The following PHOX2B variants were observed in gnomAD, a reference collection of about 807,000 sequenced individuals.
PHOX2B encodes paired like homeobox 2B.
PHOX2B carries 1 observed loss-of-function variant against 15.5 expected under a neutral mutation model. That is an observed-to-expected ratio of 0.06 (90% confidence interval 0.02 to 0.31). The LOEUF (loss-of-function observed/expected upper bound fraction) is 0.31, where lower values mean the gene tolerates loss of function less well. Ranked by LOEUF, PHOX2B falls within the 10% of genes least tolerant of loss-of-function variation. The probability of loss-of-function intolerance (pLI) is 1.00; values close to 1 mark genes in which losing one functional copy is unlikely to be tolerated. For missense variants in PHOX2B, 314 were observed against 436.4 expected, an observed-to-expected ratio of 0.72 and a Z score of 2.50; for synonymous variants, 206 against 190.5, an observed-to-expected ratio of 1.08 and a Z score of -0.67.
chr4:41,746,244 C>G lies in PHOX2B; in HGVS notation c.508G>C (p.Gly170Arg), dbSNP rs775931264. The change falls in exon 3 of 3, where the codon GGC becomes CGC. Residue 170 changes from glycine to arginine, a missense_variant. By Grantham distance (125) the Gly-to-Arg change is moderately radical (BLOSUM62 -2). Coordinates refer to ENST00000226382, the MANE Select transcript of PHOX2B (RefSeq NM_003924.4). ...AAAAAAAAKN[G>R]SSGKKSDSSR... ...GAGTCAGACTTTTTGCCCGAGGAGC[C>G]GTTCTTGGCCGCGGCCGCTGCGGCT... 2.5e-6 allele frequency: 4 copies of G among 1,613,942 alleles called. No homozygotes were observed. Among genetic ancestry groups the G allele is most frequent in the Admixed American group, 1.7e-5 (1 of 60,030 alleles).
At chr4:41,746,816 G>C (rs1407127385) in intron 2 of PHOX2B, among the ~76,000 whole-genome samples, 2 of 152,260 alleles carry the variant, frequency 1.3e-5, no homozygotes, top group African/African-American at 4.8e-5. Context: ...CTCACCCAGA[G>C]AGGCGCTGTG....
chr4:41,746,152 G>A lies in PHOX2B; in HGVS notation c.600C>T (p.Pro200=). 4 of 1,611,816 alleles carry A rather than the reference G, an allele frequency of 2.5e-6. No individual in the cohort carries two copies. Among genetic ancestry groups the A allele is most frequent in the Non-Finnish European group, 3.4e-6 (4 of 1,179,656 alleles). The change falls in exon 3 of 3, where the codon CCC becomes CCT. Residue 200 remains proline (P), a synonymous_variant. Coordinates refer to ENST00000226382, the MANE Select transcript of PHOX2B (RefSeq NM_003924.4). ...TDPDSTGGPG[P]NPNPTPSCGA... is the part of the protein sequence containing the mutation. The stretch of plus-strand genomic sequence containing the variant: ...CGCAGCTGGGGGTGGGGTTGGGATT[G>A]GGACCTGGGCCCCCAGTGCTGTCCG...
rs768046455 is a variant in PHOX2B at position 41,748,164 on chromosome 4, C to A, written c.241+206G>T. On this transcript the variant is annotated intron_variant, in intron 1 of 2. Transcript: ENST00000226382. ...TGGCAGCTTAAGATAATTTTGTTGG[C>A]GGTTCGGGTGTGACTAGGATAGTGT... 5 of 602,316 alleles carry A rather than the reference C, an allele frequency of 8.3e-6. No individual in the cohort carries two copies. In the Admixed American group the frequency reaches 9.1e-5, roughly 11 times the overall value. 37.3% of individuals were successfully genotyped at this position (602,316 alleles called of 1,614,324 possible).
intron 1 of PHOX2B, 22 bp downstream of exon 1, chr4:41,748,348 T>C (rs746765437): frequency 6.2e-7 from 1 of 1,613,338 alleles, no homozygotes; most frequent in South Asian, 1.1e-5. Flanking sequence ...CTTCCTCCGC[T>C]GAGAAAGCTG....
rs1292071149 is a variant in PHOX2B, at chr4:41,746,236, C to G, written c.516G>C (p.Ser172=). 4 of 1,613,810 alleles carry G rather than the reference C, an allele frequency of 2.5e-6. No homozygotes were observed. Among genetic ancestry groups the G allele is most frequent in the South Asian group, 2.2e-5 (2 of 91,072 alleles). The change falls in exon 3 of 3, where the codon TCG becomes TCC. Residue 172 remains serine, a synonymous_variant. Coordinates refer to ENST00000226382, the MANE Select transcript of PHOX2B (RefSeq NM_003924.4). ...CCCTGGAAGAGTCAGACTTTTTGCC[C>G]GAGGAGCCGTTCTTGGCCGCGGCCG... is the stretch of plus-strand genomic sequence containing the variant. The part of the protein sequence containing the change: ...AAAAAAKNGS[S]GKKSDSSRDD...
chr4:41,748,181 G>A, intron 1 of PHOX2B, 189 bp downstream of exon 1: 1 of 647,128 alleles, frequency 1.5e-6, no homozygotes, highest in Non-Finnish European at 2.7e-6. Flanking sequence ...GGTGTGACTA[G>A]GATAGTGTAA....
chr4:41,748,234 G>T, intron 1 of PHOX2B, 136 bp downstream of exon 1: 1 of 968,938 alleles, frequency 1.0e-6, no homozygotes, highest in South Asian at 1.5e-5. Flanking sequence ...CTTCTAACGT[G>T]ATAAATTCTT....
At position 41,744,262 on chromosome 4, in the gene PHOX2B, G is replaced by GA. The variant is rs955907651; in HGVS notation, c.*1544dup. ...TATGTTCACAAACATAGTCCAACAG[G>GA]AAAAAAAAAGAAATCAGACAGACAT... On this transcript the variant is annotated 3_prime_UTR_variant, in exon 3 of 3. Coordinates refer to ENST00000226382, the MANE Select transcript of PHOX2B (RefSeq NM_003924.4). 5.9e-4 allele frequency: 128 copies of GA among 218,522 alleles called. No homozygotes were observed. The highest frequency in any genetic ancestry group is 1.4e-3 in the Middle Eastern group (1 of 726). 13.5% of individuals were successfully genotyped at this position (218,522 alleles called of 1,614,324 possible).
At position 41,745,183 on chromosome 4, in the gene PHOX2B, C is replaced by T; in HGVS notation, c.*624G>A. ...GAGAATCCGTGCTGTTAGGAGGGAG[C>T]GGATTTAGGGGTTCACAAGATCGAG... On this transcript the variant is annotated 3_prime_UTR_variant, in exon 3 of 3. Coordinates refer to ENST00000226382, the MANE Select transcript of PHOX2B (RefSeq NM_003924.4). The surrounding 1 kb of genome is among the most constrained non-coding windows in gnomAD (Gnocchi z 4.0). The T allele has an allele frequency of 4.3e-6, 1 of 233,118 alleles. No homozygotes were observed. The highest frequency in any genetic ancestry group is 6.0e-5 in the East Asian group (1 of 16,554). The allele number at this position is 233,118 out of a possible 1,614,324, so 14.4% of individuals were successfully genotyped here. A position where few individuals can be genotyped will look rare whatever the true frequency, so the allele number is the denominator to read the frequency against.
rs1297909281 is a variant in PHOX2B at position 41,748,391 on chromosome 4, G to T, written c.220C>A (p.Gln74Lys). Residue 74 changes from glutamine (Q) to lysine (K), a missense_variant, in exon 1 of 3, where the codon CAG (glutamine) becomes AAG (lysine). By Grantham distance (53) the Gln-to-Lys change is moderately conservative. This residue lies in a region of PHOX2B where 102 missense variants were observed against 155.1 expected (regional missense o/e 0.66). Coordinates refer to ENST00000226382, the MANE Select transcript of PHOX2B (RefSeq NM_003924.4). ...SCSLGTLRDH[Q>K]SSPYAAVPYK... Reference sequence around the variant, plus strand: ...TTACCTGCGGCGTACGGACTGCTCTGGTGGTCCCTGAGGGTGCCCAGGCTG... The same window carrying T: ...TTACCTGCGGCGTACGGACTGCTCTTGTGGTCCCTGAGGGTGCCCAGGCTG... The T allele has an allele frequency of 6.2e-7, 1 of 1,614,144 alleles. No individual in the cohort carries two copies. The highest frequency in any genetic ancestry group is 1.1e-5 in the South Asian group (1 of 91,084).
Position 41,747,394 on chromosome 4 carries a change from C to T in PHOX2B, c.384G>A (p.Arg128=). Residue 128 remains arginine (R), a synonymous_variant, in exon 2 of 3, where the codon CGG becomes CGA. Transcript: ENST00000226382. The stretch of plus-strand genomic sequence containing the variant: ...GGTCGATCTTCAGGGCCAGCTCCTC[C>T]CGAGTGTAGATGTCGGGGTAGTGAG... ...AETHYPDIYT[R]EELALKIDLT... is the part of the protein sequence containing the mutation. The T allele has an allele frequency of 6.2e-7, 1 of 1,610,044 alleles. No individual in the cohort carries two copies. The highest frequency in any genetic ancestry group is 1.1e-5 in the South Asian group (1 of 91,072).
At chr4:41,747,948 G>A (rs1480490325) in intron 1 of PHOX2B, among the ~76,000 whole-genome samples, 1 of 148,844 alleles carries the variant, frequency 6.7e-6, no homozygotes, top group East Asian at 2.0e-4. Context: ...TCAAAAGTTG[G>A]GGGAAAGAGC....
At chr4:41,747,849 AC>A in intron 1 of PHOX2B, 1 of 553,260 alleles carries the variant, frequency 1.8e-6, no homozygotes, top group South Asian at 1.6e-5. Flanking sequence ...AAATCCAAAA[AC>A]ATCAGTCGGA....
intron 1 of PHOX2B, 153 bp downstream of exon 1, chr4:41,748,217 G>A (rs1560466648): frequency 1.2e-6 from 1 of 810,264 alleles, no homozygotes; most frequent in South Asian, 1.7e-5. Context: ...ACCCCTCCCT[G>A]CAATCGCTTC....
chr4:41,748,386 G>A lies in PHOX2B; in HGVS notation c.225C>T (p.Ser75=). 2 of 1,614,114 alleles carry A rather than the reference G, an allele frequency of 1.2e-6. No homozygotes were observed. Among genetic ancestry groups the A allele is most frequent in the East Asian group, 2.2e-5 (1 of 44,876 alleles). ...CSLGTLRDHQ[S]SPYAAVPYKL... is the part of the protein sequence containing the mutation. Reference sequence around the variant, plus strand: ...GGTCCTTACCTGCGGCGTACGGACTGCTCTGGTGGTCCCTGAGGGTGCCCA... The same window carrying A: ...GGTCCTTACCTGCGGCGTACGGACTACTCTGGTGGTCCCTGAGGGTGCCCA... Residue 75 remains serine, a synonymous_variant, in exon 1 of 3, where the codon AGC becomes AGT. Coordinates refer to ENST00000226382, the MANE Select transcript of PHOX2B (RefSeq NM_003924.4).
Position 41,748,425 on chromosome 4 carries a change from C to T in PHOX2B, c.186G>A (p.Pro62=), listed in dbSNP as rs763699416. 3.1e-6 allele frequency: 5 copies of T among 1,613,918 alleles called. No homozygotes were observed. Among genetic ancestry groups the T allele is most frequent in the Admixed American group, 1.7e-5 (1 of 59,994 alleles). ...GATSGCPSLT[P]GSCSLGTLRD... is the part of the protein sequence containing the mutation. ...TGAGGGTGCCCAGGCTGCAGGATCC[C>T]GGCGTGAGGGAAGGGCAGCCGGACG... Residue 62 remains proline (P), a synonymous_variant, in exon 1 of 3, where the codon CCG becomes CCA. Coordinates refer to ENST00000226382, the MANE Select transcript of PHOX2B (RefSeq NM_003924.4).
chr4:41,747,794 G>A (rs930130582), intron 1 of PHOX2B: 8 of 667,106 alleles, frequency 1.2e-5, no homozygotes, highest in Non-Finnish European at 2.2e-5. Context: ...GCGATGTGAC[G>A]GACTTGAGAT....
intron 2 of PHOX2B, among the ~76,000 whole-genome samples, chr4:41,746,765 G>A (rs1733913783): frequency 6.6e-6 from 1 of 152,212 alleles, no homozygotes; most frequent in Non-Finnish European, 1.5e-5. Context: ...CTTTGAGCCT[G>A]GAAGAGCGTG....
At position 41,747,358 on chromosome 4, in the gene PHOX2B, C is replaced by G; in HGVS notation, c.420G>C (p.Ala140=). ...TTCCAGGCGCGCGTACCTGGACTCG[C>G]GCCTCTGTGAGGTCGATCTTCAGGG... ...ELALKIDLTE[A]RVQVWFQNRR... Residue 140 remains alanine (A), a synonymous_variant, in exon 2 of 3, where the codon GCG becomes GCC. Coordinates refer to ENST00000226382, the MANE Select transcript of PHOX2B (RefSeq NM_003924.4). 1 of 1,606,802 alleles carries G rather than the reference C, an allele frequency of 6.2e-7. No individual in the cohort carries two copies. The highest frequency in any genetic ancestry group is 8.5e-7 in the Non-Finnish European group (1 of 1,179,862).
Sources: gnomAD v4.1 joint callset for allele counts (sites outside exome capture counted in the v4.1 genomes callset) on GRCh38, gnomAD v4.1.1 for gene constraint, gnomAD v4.1.1 regional missense constraint, Gnocchi (gnomAD v3.1) non-coding constraint, MANE v1.5 for transcripts, NCBI Gene and HGNC (gene_info 2026-07-23, HGNC 2026-07-21) for gene names.